The following MDGA2 variants were observed in gnomAD, a reference collection of about 807,000 sequenced individuals.
The protein encoded by MDGA2 is MAM domain-containing glycosylphosphatidylinositol anchor protein 2.
In MDGA2, 40 loss-of-function variants were observed where a neutral mutation model predicts 117.8. That is an observed-to-expected ratio of 0.34 (90% CI 0.26 to 0.44). MDGA2 has a LOEUF of 0.44. Ranked by LOEUF, MDGA2 falls within the 20% of genes least tolerant of loss-of-function variation. The pLI is 1.00. For missense variants in MDGA2, 1,123 were observed against 1,250.6 expected, an observed-to-expected ratio of 0.90 and a Z score of 1.54; for synonymous variants, 452 against 439.0, an observed-to-expected ratio of 1.03 and a Z score of -0.37.
Position 46,919,991 on chromosome 14 carries a change from G to A in MDGA2, c.2238+21C>T, listed in dbSNP as rs770879734. The A allele has an allele frequency of 1.9e-4, 298 of 1,549,292 alleles. 1 individual carries two copies. The East Asian group carries it at 2.6e-3, about 14-fold the overall frequency. On this transcript the variant is annotated intron_variant, in intron 10 of 16. Transcript: ENST00000399232. Reference sequence around the variant, plus strand: ...TCACAGAGGACCACAAAGAAAAAAGGACATCAGTTAGATTTCTCACCTGCC... The same window carrying A: ...TCACAGAGGACCACAAAGAAAAAAGAACATCAGTTAGATTTCTCACCTGCC...
Position 46,841,022 on chromosome 14 carries a change from G to GTAGTT in MDGA2, c.*904_*908dup. ...CCTGTAATTTGCACATTTAGGCTCT[G>GTAGTT]TAGTTTGTTTATAAAATAGTTTTAC... is the stretch of plus-strand genomic sequence containing the variant. On this transcript the variant is annotated 3_prime_UTR_variant, in exon 17 of 17. Transcript: ENST00000399232. 6.5e-6 allele frequency: 1 copy of GTAGTT among 152,672 alleles called. No homozygotes were observed. The highest frequency in any genetic ancestry group is 1.9e-4 in the East Asian group (1 of 5,176). The allele number at this position is 152,672 out of a possible 1,614,324, so 9.5% of individuals were successfully genotyped here. A position where few individuals can be genotyped will look rare whatever the true frequency, so the allele number is the denominator to read the frequency against.
At chr14:47,077,169 T>G (rs547135584) in intron 6 of MDGA2, among the ~76,000 whole-genome samples, 5 of 152,186 alleles carry the variant, frequency 3.3e-5, no homozygotes, top group African/African-American at 1.2e-4. Flanking sequence ...TGGATTCCTT[T>G]TGATTATAAC....
At chr14:47,630,718 T>G (rs1256729874) in intron 1 of MDGA2, among the ~76,000 whole-genome samples, 1 of 152,208 alleles carries the variant, frequency 6.6e-6, no homozygotes, top group Non-Finnish European at 1.5e-5. Context: ...GTATCTATTC[T>G]CTACCTGTTG....
intron 9 of MDGA2, among the ~76,000 whole-genome samples, chr14:46,953,212 C>T (rs1309650637): frequency 2.1e-5 from 3 of 146,072 alleles, no homozygotes; most frequent in African/African-American, 8.0e-5. Context: ...ACATTCCTGA[C>T]TGTAAAAAAA....
At chr14:46,929,693 C>T (rs1884492489) in intron 9 of MDGA2, among the ~76,000 whole-genome samples, 1 of 132,614 alleles carries the variant, frequency 7.5e-6, no homozygotes, top group Non-Finnish European at 1.6e-5. Context: ...CTCTGTCTCC[C>T]AGGCCGGAGT....
intron 1 of MDGA2, among the ~76,000 whole-genome samples, chr14:47,551,913 G>A (rs1461057529): frequency 6.6e-6 from 1 of 151,958 alleles, no homozygotes; most frequent in Non-Finnish European, 1.5e-5. Context: ...AGAGGAAAGT[G>A]AAAAACAGTA....
At position 47,266,991 on chromosome 14, in the gene MDGA2, T is replaced by C. The variant is rs550350742; in HGVS notation, c.420+34420A>G. ...TATGTCTGTCTTATTTTTGTCTATA[T>C]ACCTAACTTTGAATATAGTGGCTTA... On this transcript the variant is annotated intron_variant, in intron 2 of 16. Transcript: ENST00000399232. Among the ~76,000 whole-genome samples, 33 of 152,324 alleles carry C rather than the reference T, an allele frequency of 2.2e-4. No homozygotes were observed. The South Asian group carries it at 6.4e-3, about 30-fold the overall frequency.
At chr14:47,486,501 A>T (rs1894064630) in intron 1 of MDGA2, among the ~76,000 whole-genome samples, 1 of 151,960 alleles carries the variant, frequency 6.6e-6, no homozygotes, top group African/African-American at 2.4e-5. Context: ...ACTTTAGGGG[A>T]CTGTGGGGAA....
rs537869418 is a variant in MDGA2 at position 47,382,211 on chromosome 14, G to A, written c.281-80661C>T. ...CTTATACAAAAATTAATTCAAGATGGATTAAAGACTTACATGTTAGACCTA... is the reference window on the plus strand; with the variant it reads ...CTTATACAAAAATTAATTCAAGATGAATTAAAGACTTACATGTTAGACCTA... On this transcript the variant is annotated intron_variant, in intron 1 of 16. Transcript: ENST00000399232. Among the ~76,000 whole-genome samples, 9 of 152,262 alleles carry A rather than the reference G, an allele frequency of 5.9e-5. No homozygotes were observed. The South Asian group carries it at 1.7e-3, about 28-fold the overall frequency.
intron 1 of MDGA2, among the ~76,000 whole-genome samples, chr14:47,455,823 C>G (rs1893338953): frequency 1.3e-5 from 2 of 151,794 alleles, no homozygotes; most frequent in Non-Finnish European, 2.9e-5. Context: ...ATGGTGAAAC[C>G]CTTTCTTTAC....
intron 2 of MDGA2, among the ~76,000 whole-genome samples, chr14:47,249,208 G>A (rs1008362714): frequency 3.3e-5 from 5 of 151,476 alleles, no homozygotes; most frequent in East Asian, 2.0e-4. Context: ...TAGTAGAGAC[G>A]GGATTTCACC....
chr14:47,610,988 C>G (rs1002216306), intron 1 of MDGA2, among the ~76,000 whole-genome samples: 3 of 152,198 alleles, frequency 2.0e-5, no homozygotes, highest in African/African-American at 7.2e-5. Context: ...ACCAAAACAG[C>G]ATGGTACTGG....
chr14:46,872,189 T>A (rs1882032118), intron 14 of MDGA2, among the ~76,000 whole-genome samples: 1 of 151,966 alleles, frequency 6.6e-6, no homozygotes, highest in African/African-American at 2.4e-5. Context: ...ACAAACTTAA[T>A]TGAGAGTATT....
intron 1 of MDGA2, among the ~76,000 whole-genome samples, chr14:47,604,445 T>A (rs1393681437): frequency 2.0e-5 from 3 of 151,580 alleles, no homozygotes; most frequent in Non-Finnish European, 4.4e-5. Context: ...GCTTACCAAG[T>A]AGCTGGAACT....
intron 8 of MDGA2, among the ~76,000 whole-genome samples, chr14:46,977,236 T>C (rs1595082443): frequency 6.6e-6 from 1 of 151,566 alleles, no homozygotes. Context: ...TTTCTTCTCT[T>C]TTTTTTTAAA....
At chr14:47,532,772 G>C (rs193049755) in intron 1 of MDGA2, among the ~76,000 whole-genome samples, 30 of 152,202 alleles carry the variant, frequency 2.0e-4, no homozygotes, top group Middle Eastern at 3.4e-3. Context: ...ATTTTTTAAG[G>C]GAATAATTAG....
rs143219487 is a variant in MDGA2 at position 46,873,734 on chromosome 14, A to G, written c.2594-143T>C. ...TCTCATTTATAAAATCTCTATGTGT[A>G]TATGTAACTAATAGTGGCTGTAACA... On this transcript the variant is annotated intron_variant, in intron 13 of 16. Coordinates refer to ENST00000399232, the MANE Select transcript of MDGA2 (RefSeq NM_001113498.3). 714 of 705,864 alleles carry G rather than the reference A, an allele frequency of 1.0e-3. 3 individuals are homozygous for G. The African/African-American group carries it at 0.012, about 12-fold the overall frequency. 43.7% of individuals were successfully genotyped at this position (705,864 alleles called of 1,614,324 possible).
At chr14:47,543,468 GGCT>G (rs903392312) in intron 1 of MDGA2, among the ~76,000 whole-genome samples, 4 of 152,136 alleles carry the variant, frequency 2.6e-5, no homozygotes, top group African/African-American at 9.7e-5. Flanking sequence ...ATAAGGAGAT[GGCT>G]GGTTAAATCG....
intron 2 of MDGA2, among the ~76,000 whole-genome samples, chr14:47,286,312 A>G (rs1397825544): frequency 6.6e-6 from 1 of 152,096 alleles, no homozygotes; most frequent in Non-Finnish European, 1.5e-5. Context: ...GCTACCAAAC[A>G]TTAGATCTTA....
Sources: allele counts gnomAD v4.1 joint callset (sites outside exome capture counted in the v4.1 genomes callset), GRCh38; gene constraint gnomAD v4.1.1; transcripts MANE v1.5; gene names NCBI Gene and HGNC (gene_info 2026-07-23, HGNC 2026-07-21).